Variants in PIP4K2A observed in about 807,000 individuals in gnomAD.
The protein encoded by PIP4K2A is phosphatidylinositol 5-phosphate 4-kinase type-2 alpha.
A neutral mutation model predicts 42.9 loss-of-function variants in PIP4K2A; 14 were observed. The ratio of observed to expected loss-of-function variants is 0.33; its 90% CI spans 0.22 to 0.51. The LOEUF is 0.51. PIP4K2A is among the 20% of genes least tolerant of loss of function. The pLI is 0.97. For synonymous variants in PIP4K2A, 192 were observed against 192.2 expected (o/e 1.00, Z 0.01); for missense variants, 434 against 519.8 (o/e 0.83, Z 1.61).
intron 1 of PIP4K2A, among the ~76,000 whole-genome samples, chr10:22,708,841 T>C (rs750971170): frequency 6.6e-6 from 1 of 152,236 alleles, no homozygotes; most frequent in Non-Finnish European, 1.5e-5. Flanking sequence ...TACAGTACAC[T>C]GTACAACCAT....
intron 1 of PIP4K2A, among the ~76,000 whole-genome samples, chr10:22,657,415 T>A (rs1326720717): frequency 6.6e-6 from 1 of 152,244 alleles, no homozygotes; most frequent in Admixed American, 6.5e-5. Context: ...GACTAAAATT[T>A]GTCTTTTCAA....
At position 22,608,656 on chromosome 10, in the gene PIP4K2A, G is replaced by A. The variant is rs867093678; in HGVS notation, c.243-633C>T. Among the ~76,000 whole-genome samples, 5 of 152,260 alleles carry A rather than the reference G, an allele frequency of 3.3e-5. No individual in the cohort carries two copies. In the Middle Eastern group the frequency reaches 0.014, roughly 417 times the overall value. The stretch of plus-strand genomic sequence containing the variant: ...GGAGACTGAGGTGGGAGGATTTCTT[G>A]AGGCCAGGAGTTTGAGGCCAGCCTG... On this transcript the variant is annotated intron_variant, in intron 2 of 9. Coordinates refer to ENST00000376573, the MANE Select transcript of PIP4K2A (RefSeq NM_005028.5).
chr10:22,654,298 T>C (rs1839051146), intron 1 of PIP4K2A, among the ~76,000 whole-genome samples: 1 of 151,898 alleles, frequency 6.6e-6, no homozygotes, highest in Non-Finnish European at 1.5e-5. Flanking sequence ...AGATTAAACT[T>C]CCCCCTAGCA....
chr10:22,631,647 G>A (rs1838552469), intron 1 of PIP4K2A, among the ~76,000 whole-genome samples: 1 of 152,146 alleles, frequency 6.6e-6, no homozygotes, highest in Non-Finnish European at 1.5e-5. Context: ...TTCTATGGAA[G>A]AAGAGGAAAC....
rs1041930478 is a variant in PIP4K2A at position 22,536,995 on chromosome 10, G to A, written c.*206C>T. 5.9e-6 allele frequency: 3 copies of A among 512,060 alleles called. No individual in the cohort carries two copies. Among genetic ancestry groups the A allele is most frequent in the South Asian group, 2.3e-5 (1 of 43,962 alleles). 31.7% of individuals were successfully genotyped at this position (512,060 alleles called of 1,614,324 possible). On this transcript the variant is annotated 3_prime_UTR_variant, in exon 10 of 10. Transcript: ENST00000376573. ...ACACACACACACACATATACACAAAGTCAGAAATAGCTAGAACGATGCTGG... is the reference window on the plus strand; with the variant it reads ...ACACACACACACACATATACACAAAATCAGAAATAGCTAGAACGATGCTGG...
At chr10:22,559,838 C>T (rs1206067046) in intron 6 of PIP4K2A, among the ~76,000 whole-genome samples, 1 of 152,152 alleles carries the variant, frequency 6.6e-6, no homozygotes, top group Non-Finnish European at 1.5e-5. Flanking sequence ...GGAGCAATGA[C>T]GCAAGCAAAT....
chr10:22,680,809 T>C (rs1327688703), intron 1 of PIP4K2A, among the ~76,000 whole-genome samples: 1 of 152,150 alleles, frequency 6.6e-6, no homozygotes, highest in East Asian at 1.9e-4. Context: ...CATCCCAAAA[T>C]ATGCCGGATT....
intron 1 of PIP4K2A, among the ~76,000 whole-genome samples, chr10:22,682,493 C>T (rs1467339948): frequency 6.6e-6 from 1 of 152,084 alleles, no homozygotes. Context: ...CAAAGCATTG[C>T]TGACTTACAA....
intron 4 of PIP4K2A, among the ~76,000 whole-genome samples, chr10:22,583,542 A>C (rs1176997821): frequency 2.0e-5 from 3 of 152,170 alleles, no homozygotes; most frequent in Non-Finnish European, 4.4e-5. Flanking sequence ...GACACTGAGG[A>C]CATTAGCATG....
intron 4 of PIP4K2A, among the ~76,000 whole-genome samples, chr10:22,589,197 G>A (rs1047606223): frequency 6.6e-6 from 1 of 152,138 alleles, no homozygotes; most frequent in Non-Finnish European, 1.5e-5. Context: ...ATATCACTTC[G>A]CTTTGAATGT....
At chr10:22,563,006 T>C (rs1401098777) in intron 6 of PIP4K2A, among the ~76,000 whole-genome samples, 2 of 152,156 alleles carry the variant, frequency 1.3e-5, no homozygotes, top group East Asian at 3.9e-4. Flanking sequence ...GAAAAGGAAA[T>C]GGTGGATGTT....
At chr10:22,575,330 C>T (rs1280808176) in intron 4 of PIP4K2A, among the ~76,000 whole-genome samples, 2 of 152,118 alleles carry the variant, frequency 1.3e-5, no homozygotes, top group East Asian at 1.9e-4. Flanking sequence ...AGACACAGTC[C>T]CTGCCCCAGG....
intron 6 of PIP4K2A, among the ~76,000 whole-genome samples, chr10:22,554,500 A>G (rs1836486076): frequency 1.3e-5 from 2 of 152,198 alleles, no homozygotes; most frequent in Admixed American, 6.5e-5. Flanking sequence ...TGGTTCTTTA[A>G]TGAGTGTCTT....
chr10:22,657,178 G>A (rs1465460766), intron 1 of PIP4K2A, among the ~76,000 whole-genome samples: 1 of 152,126 alleles, frequency 6.6e-6, no homozygotes, highest in Admixed American at 6.6e-5. Context: ...GCCACAATTG[G>A]AACAGAACAT....
Position 22,541,896 on chromosome 10 carries a change from T to C in PIP4K2A, c.944A>G (p.Asp315Gly). The C allele has an allele frequency of 6.2e-7, 1 of 1,613,716 alleles. No homozygotes were observed. The highest frequency in any genetic ancestry group is 8.5e-7 in the Non-Finnish European group (1 of 1,179,800). ...DGTHPVGTPP[D>G]SPGNTLNSSP... ...GCTGTTCAGTGTATTCCCGGGGCTA[T>C]CTGGGGGGGTTCCCACCGGGTGGGT... Residue 315 changes from aspartate (D) to glycine (G), a missense_variant, in exon 8 of 10, where the codon GAT becomes GGT. By Grantham distance (94) the Asp-to-Gly change is moderately conservative (BLOSUM62 -1). Coordinates refer to ENST00000376573, the MANE Select transcript of PIP4K2A (RefSeq NM_005028.5).
intron 1 of PIP4K2A, among the ~76,000 whole-genome samples, chr10:22,621,188 G>C (rs550221324): frequency 1.3e-5 from 2 of 152,264 alleles, no homozygotes; most frequent in South Asian, 4.1e-4. Context: ...GGGGGATCTT[G>C]AGGCCAGCCT....
At chr10:22,554,844 C>T (rs1054538651) in intron 6 of PIP4K2A, among the ~76,000 whole-genome samples, 5 of 152,218 alleles carry the variant, frequency 3.3e-5, no homozygotes, top group African/African-American at 1.2e-4. Flanking sequence ...GCTGGGATTC[C>T]TGCCCGGGTC....
At chr10:22,557,053 G>T (rs1242533102) in intron 6 of PIP4K2A, among the ~76,000 whole-genome samples, 1 of 152,172 alleles carries the variant, frequency 6.6e-6, no homozygotes, top group Non-Finnish European at 1.5e-5. Context: ...GGCTTTCAGT[G>T]TATAAAAGCC....
intron 7 of PIP4K2A, 93 bp from the exon 8 acceptor site, chr10:22,542,140 G>T: frequency 3.4e-6 from 4 of 1,185,472 alleles, no homozygotes; most frequent in Non-Finnish European, 4.8e-6. Flanking sequence ...CCAGAGGGAA[G>T]GCTGTGGGGT....
Sources: gnomAD v4.1 joint callset for allele counts (sites outside exome capture counted in the v4.1 genomes callset) on GRCh38, gnomAD v4.1.1 for gene constraint, MANE v1.5 for transcripts, NCBI Gene and HGNC (gene_info 2026-07-23, HGNC 2026-07-21) for gene names.